The following MCTP1 variants were observed in gnomAD, a reference collection of about 807,000 sequenced individuals.
MCTP1 encodes the protein multiple C2 and transmembrane domain-containing protein 1.
A neutral mutation model predicts 120.6 loss-of-function variants in MCTP1; 69 were observed. The observed-to-expected ratio is 0.57, with a 90% CI of 0.47 to 0.70. The LOEUF is 0.70. Ranked by LOEUF, MCTP1 falls within the 30% of genes least tolerant of loss-of-function variation. MCTP1 has a pLI of 0.00. For synonymous variants in MCTP1, 529 were observed against 493.1 expected, an observed-to-expected ratio of 1.07 and a Z score of -0.96; for missense variants, 1,203 against 1,248.8, an observed-to-expected ratio of 0.96 and a Z score of 0.55.
At chr5:94,845,380 C>T (rs191106153) in intron 17 of MCTP1, among the ~76,000 whole-genome samples, 2 of 152,226 alleles carry the variant, frequency 1.3e-5, no homozygotes, top group African/African-American at 4.8e-5. Context: ...ACGAGGACAC[C>T]ATGGGAAAAC....
chr5:94,724,204 G>C (rs1761605736), intron 19 of MCTP1, among the ~76,000 whole-genome samples: 1 of 152,086 alleles, frequency 6.6e-6, no homozygotes, highest in Non-Finnish European at 1.5e-5. Context: ...AGATGGACTT[G>C]TTGTCAGGAG....
intron 11 of MCTP1, 129 bp downstream of exon 11, chr5:94,894,520 T>G (rs1011129391): frequency 1.6e-6 from 1 of 618,674 alleles, no homozygotes; most frequent in Middle Eastern, 5.0e-4. Flanking sequence ...TTGTTTTCAC[T>G]CAGCTTTTTA....
Position 95,061,414 on chromosome 5 carries a change from T to G in MCTP1, c.721-43930A>C, listed in dbSNP as rs1369204291. Among the ~76,000 whole-genome samples, 14 of 12,184 alleles carry G rather than the reference T, an allele frequency of 1.1e-3. 1 individual carries two copies. Among genetic ancestry groups the G allele is most frequent in the East Asian group, 2.5e-3 (1 of 394 alleles). 8.0% of individuals were successfully genotyped at this position (12,184 alleles called of 152,430 possible). A position where few individuals can be genotyped will look rare whatever the true frequency, so the allele number is the denominator to read the frequency against. ...TTTCACAAACCCCTTAAGGGTTTTT[T>G]TTTTTTTTTTTTTTTTTTTTTTTTT... is the stretch of plus-strand genomic sequence containing the variant. On this transcript the variant is annotated intron_variant, in intron 1 of 22. Transcript: ENST00000515393.
At chr5:94,971,882 A>G (rs1431073310) in intron 2 of MCTP1, among the ~76,000 whole-genome samples, 1 of 152,136 alleles carries the variant, frequency 6.6e-6, no homozygotes, top group African/African-American at 2.4e-5. Context: ...CAAATTCCTA[A>G]GTCCTGTGGA....
chr5:94,764,471 T>A (rs1772086299), intron 19 of MCTP1, among the ~76,000 whole-genome samples: 1 of 151,976 alleles, frequency 6.6e-6, no homozygotes. Flanking sequence ...GAAAAAACAA[T>A]AGTACCACCA....
chr5:95,112,450 C>T (rs1582274480), intron 1 of MCTP1, among the ~76,000 whole-genome samples: 1 of 152,284 alleles, frequency 6.6e-6, no homozygotes, highest in Non-Finnish European at 1.5e-5. Context: ...ACTGTAGCCT[C>T]AAATCTAAAA....
At chr5:94,952,171 C>CAAAAA (rs57358026) in intron 3 of MCTP1, among the ~76,000 whole-genome samples, 14 of 87,874 alleles carry the variant, frequency 1.6e-4, no homozygotes, top group East Asian at 4.2e-4. Flanking sequence ...GACTTTGTCG[C>CAAAAA]AAAAAAAAAA....
At chr5:95,157,284 A>G (rs1745230975) in intron 1 of MCTP1, among the ~76,000 whole-genome samples, 1 of 152,200 alleles carries the variant, frequency 6.6e-6, no homozygotes, top group African/African-American at 2.4e-5. Flanking sequence ...GGGACATGGA[A>G]TAGCCAATCT....
At chr5:94,979,104 C>T (rs1484001550) in intron 2 of MCTP1, 1 of 152,082 alleles carries the variant, frequency 6.6e-6, no homozygotes. Context: ...AATTAAGGGG[C>T]CAGTTGCCAC....
intron 20 of MCTP1, 148 bp downstream of exon 20, chr5:94,714,629 G>GAAAT (rs1486867578): frequency 1.5e-6 from 1 of 664,808 alleles, no homozygotes; most frequent in African/African-American, 1.8e-5. Flanking sequence ...AAGACTGGCA[G>GAAAT]AAATAAAGTA....
At position 95,079,646 on chromosome 5, in the gene MCTP1, T is replaced by C. The variant is rs576901050; in HGVS notation, c.721-62162A>G. On this transcript the variant is annotated intron_variant, in intron 1 of 22. Coordinates refer to ENST00000515393, the MANE Select transcript of MCTP1 (RefSeq NM_024717.7). ...ATTTATTCATAAGATAGCATGATGA[T>C]AAATTCCACTTATCTCTTGAAACTA... Among the ~76,000 whole-genome samples, 4 of 152,250 alleles carry C rather than the reference T, an allele frequency of 2.6e-5. No individual in the cohort carries two copies. The South Asian group carries it at 8.3e-4, about 32-fold the overall frequency.
intron 1 of MCTP1, among the ~76,000 whole-genome samples, chr5:95,139,031 A>C (rs1200454988): frequency 6.6e-6 from 1 of 152,184 alleles, no homozygotes; most frequent in East Asian, 1.9e-4. Flanking sequence ...TATGTTCAAA[A>C]TATTTAATAT....
intron 5 of MCTP1, among the ~76,000 whole-genome samples, chr5:94,934,990 T>C (rs1452146656): frequency 2.6e-5 from 4 of 151,934 alleles, no homozygotes; most frequent in Admixed American, 2.6e-4. Context: ...AGGACACACA[T>C]ATATGCACTA....
intron 1 of MCTP1, among the ~76,000 whole-genome samples, chr5:95,094,344 T>A (rs899654675): frequency 6.6e-6 from 1 of 152,218 alleles, no homozygotes; most frequent in Non-Finnish European, 1.5e-5. Flanking sequence ...CACCTTGAGG[T>A]CATGAATGAT....
chr5:94,853,612 CT>C (rs1794172609), intron 17 of MCTP1, among the ~76,000 whole-genome samples: 1 of 151,858 alleles, frequency 6.6e-6, no homozygotes, highest in Non-Finnish European at 1.5e-5. Context: ...TATTTATCAT[CT>C]TATAATGAAG....
rs556472770 is a variant in MCTP1 at position 95,040,175 on chromosome 5, C to T, written c.721-22691G>A. ...AGAAGGCTGGGCATGATGGCTCATG[C>T]CTGTAATCCTGGCACTTTGGAAGGC... On this transcript the variant is annotated intron_variant, in intron 1 of 22. Transcript: ENST00000515393. Among the ~76,000 whole-genome samples the T allele has an allele frequency of 2.0e-5, 3 of 152,216 alleles. No individual in the cohort carries two copies. The East Asian group carries it at 5.8e-4, about 29-fold the overall frequency.
chr5:94,983,155 C>T (rs1029901256), intron 2 of MCTP1, among the ~76,000 whole-genome samples: 15 of 151,996 alleles, frequency 9.9e-5, no homozygotes, highest in Admixed American at 9.8e-4. Context: ...TGAATTCTGC[C>T]AATACCAGGA....
intron 1 of MCTP1, among the ~76,000 whole-genome samples, chr5:95,080,994 A>G (rs1470119888): frequency 6.6e-6 from 1 of 152,194 alleles, no homozygotes; most frequent in Non-Finnish European, 1.5e-5. Flanking sequence ...TTTTATTTCA[A>G]TTGAAAAATA....
At chr5:95,198,336 A>G (rs1015114345) in intron 1 of MCTP1, among the ~76,000 whole-genome samples, 4 of 152,178 alleles carry the variant, frequency 2.6e-5, no homozygotes, top group African/African-American at 9.6e-5. Flanking sequence ...TGACTTTAAA[A>G]TGGTGTAAAA....
Sources: allele counts gnomAD v4.1 joint callset (sites outside exome capture counted in the v4.1 genomes callset), GRCh38; gene constraint gnomAD v4.1.1; transcripts MANE v1.5; gene names NCBI Gene and HGNC (gene_info 2026-07-23, HGNC 2026-07-21).